Variants in APOB observed in about 807,000 individuals in gnomAD.
APOB encodes apolipoprotein B-100.
APOB carries 153 observed loss-of-function variants against 314.1 expected under a neutral mutation model. The observed-to-expected ratio is 0.49, with a 90% CI of 0.43 to 0.56. The LOEUF is 0.56. Among genes scored for constraint, APOB ranks in the 20% least tolerant of loss-of-function variants. The pLI is 0.00. For missense variants in APOB, 5,430 were observed against 5,350.7 expected, an observed-to-expected ratio of 1.01 and a Z score of -0.46; for synonymous variants, 2,087 against 2,036.4, an observed-to-expected ratio of 1.02 and a Z score of -0.67.
At position 21,008,248 on chromosome 2, in the gene APOB, T is replaced by G. The variant is rs1663205723; in HGVS notation, c.8620A>C (p.Ile2874Leu). 1 of 1,614,084 alleles carries G rather than the reference T, an allele frequency of 6.2e-7. No individual in the cohort carries two copies. Among genetic ancestry groups the G allele is most frequent in the East Asian group, 2.2e-5 (1 of 44,872 alleles). Residue 2874 changes from isoleucine to leucine, a missense_variant, in exon 26 of 29, where the codon ATT (isoleucine) becomes CTT (leucine). Ile to Leu is a conservative substitution (Grantham distance 5, BLOSUM62 2). This residue lies in a region of APOB where 3,281 missense variants were observed against 3,171.0 expected (regional missense o/e 1.03). Coordinates refer to ENST00000233242, the MANE Select transcript of APOB (RefSeq NM_000384.3). ...KNTLELSNGV[I>L]VKINNQLTLD... ...GTAAGCTGATTGTTTATCTTGACAA[T>G]CACTCCATTACTAAGCTCCAGTGTA... is the stretch of plus-strand genomic sequence containing the variant.
chr2:21,025,123 T>G lies in APOB; in HGVS notation c.2246A>C (p.Asp749Ala). The change falls in exon 16 of 29, where the codon GAT (aspartate) becomes GCT (alanine). Residue 749 changes from aspartate (D) to alanine (A), a missense_variant and splice_region_variant. Coordinates refer to ENST00000233242, the MANE Select transcript of APOB (RefSeq NM_000384.3). ...ACTGAGCATTATTCCATTTACCATA[T>G]CCTGAGAGTTTAGTAATAAAATGGC... is the stretch of plus-strand genomic sequence containing the variant. Reference protein sequence around the residue: ...GYTKDDKHEQDMVNGIMLSVE... With the variant: ...GYTKDDKHEQAMVNGIMLSVE... The G allele has an allele frequency of 1.2e-6, 2 of 1,613,820 alleles. No homozygotes were observed.
At position 21,009,761 on chromosome 2, in the gene APOB, C is replaced by T. The variant is rs1350528950; in HGVS notation, c.7107G>A (p.Lys2369=). 6.2e-7 allele frequency: 1 copy of T among 1,613,984 alleles called. No homozygotes were observed. The highest frequency in any genetic ancestry group is 1.3e-5 in the African/African-American group (1 of 75,022). ...TTAGCTTCTGAATAGTCTCCTTCAA[C>T]TTGTATTGGTGGGCCAACTCTACTA... ...DKLVELAHQY[K]LKETIQKLSN... The change falls in exon 26 of 29, where the codon AAG becomes AAA. Residue 2369 remains lysine (K), a synonymous_variant. Transcript: ENST00000233242.
At chr2:21,043,746 C>G (rs1664195568) in intron 1 of APOB, 118 bp downstream of exon 1, 2 of 1,512,648 alleles carry the variant, frequency 1.3e-6, no homozygotes, top group East Asian at 2.5e-5. Flanking sequence ...AATCCCCCCA[C>G]TCGCCCTGGA....
Position 21,029,898 on chromosome 2 carries a change from C to T in APOB, c.1470G>A (p.Arg490=). Residue 490 remains arginine (R), a splice_region_variant and synonymous_variant, in exon 11 of 29, where the codon CGG becomes CGA. Transcript: ENST00000233242. ...ATGTCATATAAAAGACTGAGATTAC[C>T]CGCAGAATCAAATAGGTGTAATCTT... ...GDEDYTYLIL[R]VIGNMGQTME... 6.2e-7 allele frequency: 1 copy of T among 1,611,420 alleles called. No individual in the cohort carries two copies. The highest frequency in any genetic ancestry group is 2.2e-5 in the East Asian group (1 of 44,862).
In APOB at chr2:21,033,498, C is replaced by A. The variant is rs141888564; in HGVS notation, c.925G>T (p.Ala309Ser). The change falls in exon 9 of 29, where the codon GCA becomes TCA. Residue 309 changes from alanine (A) to serine (S), a missense_variant. Coordinates refer to ENST00000233242, the MANE Select transcript of APOB (RefSeq NM_000384.3). ...FGEGTKKMGL[A>S]FESTKSTSPP... ...GATGTGGATTTGGTGCTCTCAAATG[C>A]GAGGCCCATCTTCTTAGTACCTGGA... The A allele has an allele frequency of 6.2e-6, 10 of 1,614,044 alleles. No individual in the cohort carries two copies. The highest frequency in any genetic ancestry group is 7.6e-6 in the Non-Finnish European group (9 of 1,179,990).
In APOB at chr2:21,019,048, A is replaced by T; in HGVS notation, c.3065T>A (p.Leu1022His). ...EQYSVSATYE[L>H]QREDRALVDT... ...CACCAAGGCTCTGTCCTCTCTCTGGAGCTCATAGGTTGCGCTGACAGAATA... is the reference window on the plus strand; with the variant it reads ...CACCAAGGCTCTGTCCTCTCTCTGGTGCTCATAGGTTGCGCTGACAGAATA... The change falls in exon 20 of 29, where the codon CTC (leucine) becomes CAC (histidine). Residue 1022 changes from leucine (L) to histidine (H), a missense_variant. By Grantham distance (99) the Leu-to-His change is moderately conservative. This residue lies in a region of APOB where 2,085 missense variants were observed against 2,079.7 expected (regional missense o/e 1.00). Coordinates refer to ENST00000233242, the MANE Select transcript of APOB (RefSeq NM_000384.3). 1 of 1,613,952 alleles carries T rather than the reference A, an allele frequency of 6.2e-7. No homozygotes were observed. The highest frequency in any genetic ancestry group is 1.7e-5 in the Admixed American group (1 of 59,994).
At position 21,016,569 on chromosome 2, in the gene APOB, C is replaced by T; in HGVS notation, c.3202G>A (p.Asp1068Asn). ...MTLSSEVQIP[D>N]FDVDLGTILR... ...ATTGTTCCGAGGTCAACATCAAAAT[C>T]CGGAATTTGGACTTCACTGGACAAG... The change falls in exon 21 of 29, where the codon GAT becomes AAT. Residue 1068 changes from aspartate to asparagine, a missense_variant. Around this residue, in one of 3 missense-constraint regions of APOB, gnomAD observed 2,085 missense variants for 2,079.7 expected, o/e 1.00. Coordinates refer to ENST00000233242, the MANE Select transcript of APOB (RefSeq NM_000384.3). 6.2e-7 allele frequency: 1 copy of T among 1,611,388 alleles called. No homozygotes were observed. The highest frequency in any genetic ancestry group is 1.1e-5 in the South Asian group (1 of 91,034).
intron 25 of APOB, 53 bp downstream of exon 25, chr2:21,013,107 T>C (rs1663372760): frequency 6.2e-7 from 1 of 1,610,076 alleles, no homozygotes; most frequent in Non-Finnish European, 8.5e-7. Flanking sequence ...GGCTCTCCTC[T>C]TAGAGCCTGC....
Position 21,010,822 on chromosome 2 carries a change from C to A in APOB, c.6046G>T (p.Asp2016Tyr), listed in dbSNP as rs755811872. The A allele has an allele frequency of 6.2e-7, 1 of 1,614,102 alleles. No homozygotes were observed. ...ATTGGGGAGTCTAGTAGAGTTAGGT[C>A]AGCCAGAGTTCGTCCAGTAAGCTCC... ...GVELTGRTLADLTLLDSPIKV... is the reference protein window; with the variant it reads ...GVELTGRTLAYLTLLDSPIKV... The change falls in exon 26 of 29, where the codon GAC becomes TAC. Residue 2016 changes from aspartate (D) to tyrosine (Y), a missense_variant. Asp to Tyr is a radical substitution (Grantham distance 160, BLOSUM62 -3). Coordinates refer to ENST00000233242, the MANE Select transcript of APOB (RefSeq NM_000384.3).
rs760876509 is a variant in APOB, at chr2:21,005,294, A to G, written c.11574T>C (p.Pro3858=). 6.2e-7 allele frequency: 1 copy of G among 1,614,098 alleles called. No individual in the cohort carries two copies. Among genetic ancestry groups the G allele is most frequent in the South Asian group, 1.1e-5 (1 of 91,084 alleles). The change falls in exon 26 of 29, where the codon CCT becomes CCC. Residue 3858 remains proline, a synonymous_variant. Transcript: ENST00000233242. ...ADFELPTIIV[P]EQTIEIPSIK... is the part of the protein sequence containing the mutation. Reference sequence around the variant, plus strand: ...TGGAGGGAATCTCAATGGTCTGCTCAGGCACGATGATGGTGGGCAACTCAA... The same window carrying G: ...TGGAGGGAATCTCAATGGTCTGCTCGGGCACGATGATGGTGGGCAACTCAA...
In APOB at chr2:21,013,429, ACAGTCT is replaced by A; in HGVS notation, c.3941_3946del (p.Glu1314_Thr1315del). ...CTTGAAGTGGAGGGCTGGTGTCCTA[ACAGTCT>A]CTAACATCTTTAGATCTCTGGAGGA... On this transcript the variant is annotated inframe_deletion, in exon 25 of 29. Coordinates refer to ENST00000233242, the MANE Select transcript of APOB (RefSeq NM_000384.3). 2 of 1,614,218 alleles carry A rather than the reference ACAGTCT, an allele frequency of 1.2e-6. No individual in the cohort carries two copies. Among genetic ancestry groups the A allele is most frequent in the Non-Finnish European group, 1.7e-6 (2 of 1,180,030 alleles).
intron 15 of APOB, among the ~76,000 whole-genome samples, chr2:21,025,544 A>G (rs1663707939): frequency 6.6e-6 from 1 of 152,120 alleles, no homozygotes; most frequent in African/African-American, 2.4e-5. Context: ...AGTTTGAAAA[A>G]CACTTGATCC....
At position 21,024,649 on chromosome 2, in the gene APOB, T is replaced by C; in HGVS notation, c.2436+284A>G. The C allele has an allele frequency of 5.5e-6, 3 of 544,224 alleles. 1 individual carries two copies. The South Asian group carries it at 8.8e-5, about 16-fold the overall frequency. 33.7% of individuals were successfully genotyped at this position (544,224 alleles called of 1,614,324 possible). ...AAATAAAAATAAAAATAAAAGGACC[T>C]TCAGCAAAGGTAGAGGAAGGTATAC... On this transcript the variant is annotated intron_variant, in intron 16 of 28. Coordinates refer to ENST00000233242, the MANE Select transcript of APOB (RefSeq NM_000384.3).
chr2:21,025,270 A>G, intron 15 of APOB, 146 bp from the exon 16 acceptor site: 1 of 763,560 alleles, frequency 1.3e-6, no homozygotes, highest in Non-Finnish European at 2.3e-6. Flanking sequence ...AGTCCAGGCT[A>G]ATTCCTCTAA....
Position 21,023,838 on chromosome 2 carries a change from A to G in APOB, c.2437-146T>C, listed in dbSNP as rs1459336094. On this transcript the variant is annotated intron_variant, in intron 16 of 28. Coordinates refer to ENST00000233242, the MANE Select transcript of APOB (RefSeq NM_000384.3). ...ATTTTGATGAGCTGAATAGTTTGAT[A>G]AATAAAGATCAAACTGATGTTTTTA... 7 of 642,526 alleles carry G rather than the reference A, an allele frequency of 1.1e-5. No homozygotes were observed. The East Asian group carries it at 1.9e-4, about 18-fold the overall frequency. 39.8% of individuals were successfully genotyped at this position (642,526 alleles called of 1,614,324 possible).
chr2:21,013,263 G>A lies in APOB; in HGVS notation c.4113C>T (p.Ala1371=), dbSNP rs1460954275. The A allele has an allele frequency of 6.2e-7, 1 of 1,614,226 alleles. No individual in the cohort carries two copies. The highest frequency in any genetic ancestry group is 1.1e-5 in the South Asian group (1 of 91,086). Residue 1371 remains alanine, a synonymous_variant, in exon 25 of 29, where the codon GCC becomes GCT. Coordinates refer to ENST00000233242, the MANE Select transcript of APOB (RefSeq NM_000384.3). ...TGCTGGTGTTGCCACCACTGTAGGA[G>A]GCGGACCAGTTGTACAAGTTGCTGT... ...NVYSNLYNWS[A]SYSGGNTSTD...
At position 21,006,714 on chromosome 2, in the gene APOB, G is replaced by A; in HGVS notation, c.10154C>T (p.Thr3385Ile). 1.2e-6 allele frequency: 2 copies of A among 1,613,998 alleles called. No homozygotes were observed. The highest frequency in any genetic ancestry group is 1.7e-4 in the Middle Eastern group (1 of 6,060). Residue 3385 changes from threonine to isoleucine, a missense_variant, in exon 26 of 29, where the codon ACA becomes ATA. Transcript: ENST00000233242. The stretch of plus-strand genomic sequence containing the variant: ...CAATCCCCTTTTTCTTGTCAATCTT[G>A]TGGTGCCCTCTAATTTGTACTGCAG... ...DALQYKLEGT[T>I]RLTRKRGLKL...
Position 21,028,379 on chromosome 2 carries a change from C to G in APOB, c.1777G>C (p.Val593Leu), listed in dbSNP as rs781228974. The G allele has an allele frequency of 6.1e-5, 98 of 1,614,058 alleles. No homozygotes were observed. The South Asian group carries it at 1.0e-3, about 17-fold the overall frequency. ...WEQNEQVKNF[V>L]ASHIANILNS... ...AAGATATTGGCAATATGGGAAGCCA[C>G]AAAGTTCTTCACTTGCTCATTCTGT... The change falls in exon 13 of 29, where the codon GTG becomes CTG. Residue 593 changes from valine to leucine, a missense_variant. Physicochemically the swap from Val to Leu is conservative, Grantham distance 32. This residue lies in a region of APOB where 2,085 missense variants were observed against 2,079.7 expected (regional missense o/e 1.00). Coordinates refer to ENST00000233242, the MANE Select transcript of APOB (RefSeq NM_000384.3).
intron 5 of APOB, 106 bp from the exon 6 acceptor site, chr2:21,037,361 A>G: frequency 8.2e-7 from 1 of 1,218,066 alleles, no homozygotes; most frequent in South Asian, 1.3e-5. Flanking sequence ...GAAGGAATCT[A>G]GCTTTGGGAG....
Sources: gnomAD v4.1 joint callset for allele counts (sites outside exome capture counted in the v4.1 genomes callset) on GRCh38, gnomAD v4.1.1 for gene constraint, gnomAD v4.1.1 regional missense constraint, MANE v1.5 for transcripts, NCBI Gene and HGNC (gene_info 2026-07-23, HGNC 2026-07-21) for gene names.